Variants in CCNI observed in about 807,000 individuals in gnomAD.
CCNI encodes the protein cyclin I.
In CCNI, 14 loss-of-function variants were observed where a neutral mutation model predicts 34.1. The ratio of observed to expected loss-of-function variants is 0.41; its 90% CI spans 0.27 to 0.64. The LOEUF is 0.64. Among genes scored for constraint, CCNI ranks in the 30% least tolerant of loss-of-function variants. CCNI has a pLI of 0.31. For synonymous variants in CCNI, 154 were observed against 158.4 expected, an observed-to-expected ratio of 0.97 and a Z score of 0.21; for missense variants, 385 against 440.5, an observed-to-expected ratio of 0.87 and a Z score of 1.13.
At chr4:77,073,527 A>G (rs1487916760) in intron 1 of CCNI, among the ~76,000 whole-genome samples, 2 of 152,230 alleles carry the variant, frequency 1.3e-5, no homozygotes, top group East Asian at 1.9e-4. Context: ...TGGCCATACA[A>G]GAAACTGAAG....
chr4:77,069,812 T>G (rs1028542323), intron 1 of CCNI, among the ~76,000 whole-genome samples: 1 of 151,946 alleles, frequency 6.6e-6, no homozygotes, highest in Non-Finnish European at 1.5e-5. Context: ...TTTTGGTACC[T>G]TCTTTTTTTT....
At chr4:77,061,274 T>C (rs1728589276) in intron 2 of CCNI, among the ~76,000 whole-genome samples, 1 of 152,204 alleles carries the variant, frequency 6.6e-6, no homozygotes, top group African/African-American at 2.4e-5. Flanking sequence ...CATGACAGCA[T>C]TACAAATAGT....
chr4:77,068,523 G>A (rs1729218215), intron 1 of CCNI, among the ~76,000 whole-genome samples: 1 of 152,186 alleles, frequency 6.6e-6, no homozygotes, highest in Non-Finnish European at 1.5e-5. Context: ...AACGGGACAA[G>A]GAGGAAAGAG....
In CCNI at chr4:77,050,367, A is replaced by G. The variant is rs1415755551; in HGVS notation, c.691-1705T>C. The stretch of plus-strand genomic sequence containing the variant: ...GACTGTTTGCAATACCACAGAGAAA[A>G]TAGGGGAAAATAACGCACTCTACAA... On this transcript the variant is annotated intron_variant, in intron 6 of 6. Transcript: ENST00000237654. Among the ~76,000 whole-genome samples the G allele has an allele frequency of 1.3e-5, 2 of 152,310 alleles. 1 individual carries two copies. The highest frequency in any genetic ancestry group is 4.1e-4 in the South Asian group (2 of 4,832).
Position 77,048,337 on chromosome 4 carries a change from C to T in CCNI, c.1016G>A (p.Arg339Gln), listed in dbSNP as rs1263743439. ...EVDDFYDGIK[R>Q]LYNEDNVSEN... ...TGAGACATTATCTTCATTATAGAGC[C>T]GTTTGATTCCATCATAGAAGTCATC... Residue 339 changes from arginine to glutamine, a missense_variant, in exon 7 of 7, where the codon CGG becomes CAG. Physicochemically the swap from Arg to Gln is conservative, Grantham distance 43. Transcript: ENST00000237654. The T allele has an allele frequency of 3.7e-6, 6 of 1,614,064 alleles. No individual in the cohort carries two copies. Among genetic ancestry groups the T allele is most frequent in the South Asian group, 1.1e-5 (1 of 91,068 alleles).
At chr4:77,071,781 A>C (rs1177539637) in intron 1 of CCNI, among the ~76,000 whole-genome samples, 1 of 152,214 alleles carries the variant, frequency 6.6e-6, no homozygotes, top group East Asian at 1.9e-4. Flanking sequence ...ACAAAATACC[A>C]AAACTTAGGA....
intron 1 of CCNI, among the ~76,000 whole-genome samples, chr4:77,074,012 T>A (rs888969407): frequency 6.6e-6 from 1 of 152,226 alleles, no homozygotes; most frequent in Admixed American, 6.5e-5. Flanking sequence ...TCTAGTTTTT[T>A]ATTTTTCTTA....
rs1315123489 is a variant in CCNI at position 77,057,721 on chromosome 4, CA to C, written c.243+785del. Among the ~76,000 whole-genome samples, 8 of 152,238 alleles carry C rather than the reference CA, an allele frequency of 5.3e-5. No homozygotes were observed. In the East Asian group the frequency reaches 1.5e-3, roughly 29 times the overall value. The stretch of plus-strand genomic sequence containing the variant: ...TAATTATTTGTATGCTGTCATTCAA[CA>C]AAAATATACCAAAGTTGCTTTATGA... On this transcript the variant is annotated intron_variant, in intron 3 of 6. Transcript: ENST00000237654.
intron 3 of CCNI, among the ~76,000 whole-genome samples, chr4:77,058,065 T>C (rs1168210198): frequency 6.6e-6 from 1 of 152,182 alleles, no homozygotes; most frequent in Non-Finnish European, 1.5e-5. Context: ...TTTTAAACAA[T>C]AGTAGAAAGC....
chr4:77,062,028 G>T (rs1016450885), intron 2 of CCNI, among the ~76,000 whole-genome samples: 3 of 152,082 alleles, frequency 2.0e-5, no homozygotes, highest in Non-Finnish European at 2.9e-5. Context: ...ACTTCATGCT[G>T]TAATAGTAAC....
At chr4:77,072,446 C>T (rs1347073113) in intron 1 of CCNI, among the ~76,000 whole-genome samples, 4 of 116,318 alleles carry the variant, frequency 3.4e-5, no homozygotes, top group Non-Finnish European at 6.7e-5. Flanking sequence ...AGATCCCTGT[C>T]TCCACCAAAA....
At chr4:77,075,232 A>T (rs1729816663) in intron 1 of CCNI, 1 of 152,260 alleles carries the variant, frequency 6.6e-6, no homozygotes, top group Non-Finnish European at 1.5e-5. Context: ...TGGCCCGAAA[A>T]GGAACACAGT....
At chr4:77,070,325 C>CTTTT (rs368351303) in intron 1 of CCNI, among the ~76,000 whole-genome samples, 10 of 144,464 alleles carry the variant, frequency 6.9e-5, no homozygotes, top group African/African-American at 2.3e-4. Flanking sequence ...CCCTCATTAG[C>CTTTT]TTTTTTTTTT....
chr4:77,052,439 TTTA>T (rs1727928471), intron 6 of CCNI, among the ~76,000 whole-genome samples: 2 of 152,014 alleles, frequency 1.3e-5, no homozygotes, highest in Non-Finnish European at 2.9e-5. Flanking sequence ...GAGAAAGAGG[TTTA>T]GCCATCCCAG....
chr4:77,054,172 GATCA>G (rs1728053519), intron 6 of CCNI, among the ~76,000 whole-genome samples: 1 of 152,042 alleles, frequency 6.6e-6, no homozygotes, highest in African/African-American at 2.4e-5. Context: ...TTTGCTATAA[GATCA>G]ATTATAACTT....
At chr4:77,065,635 A>T (rs1728978698) in intron 2 of CCNI, among the ~76,000 whole-genome samples, 1 of 152,246 alleles carries the variant, frequency 6.6e-6, no homozygotes, top group East Asian at 1.9e-4. Context: ...GGCTAACTAT[A>T]AACTATATAT....
chr4:77,073,413 T>C (rs113332501), intron 1 of CCNI, among the ~76,000 whole-genome samples: 118 of 152,322 alleles, frequency 7.7e-4, no homozygotes, highest in Non-Finnish European at 1.4e-3. Flanking sequence ...TTCACTAATA[T>C]GTATTATTGT....
At chr4:77,067,790 T>TAAAA (rs375815113) in intron 1 of CCNI, among the ~76,000 whole-genome samples, 3 of 98,684 alleles carry the variant, frequency 3.0e-5, no homozygotes, top group African/African-American at 4.1e-5. Flanking sequence ...CTTCTAGGTT[T>TAAAA]AAAAAAAAAA....
At chr4:77,056,586 CTTTTT>C (rs35437385) in intron 3 of CCNI, 128 of 161,260 alleles carry the variant, frequency 7.9e-4, no homozygotes, top group South Asian at 2.6e-3. Flanking sequence ...CTAGAGCTAA[CTTTTT>C]TTTTTTTTTT....
Sources: allele counts gnomAD v4.1 joint callset (sites outside exome capture counted in the v4.1 genomes callset), GRCh38; gene constraint gnomAD v4.1.1; transcripts MANE v1.5; gene names NCBI Gene and HGNC (gene_info 2026-07-23, HGNC 2026-07-21).